The following PALLD variants were observed in gnomAD, a reference collection of about 807,000 sequenced individuals.
The protein encoded by PALLD is palladin, cytoskeletal associated protein.
PALLD carries 61 observed loss-of-function variants against 123.5 expected under a neutral mutation model. That is an observed-to-expected ratio of 0.49 (90% CI 0.40 to 0.61). The LOEUF (loss-of-function observed/expected upper bound fraction) is 0.61, where lower values mean the gene tolerates loss of function less well. PALLD is among the 20% of genes least tolerant of loss of function. The pLI, the probability that PALLD is intolerant of heterozygous loss-of-function variation, is 0.00. For synonymous variants in PALLD, 465 were observed against 496.4 expected (o/e 0.94, Z 0.84); for missense variants, 1,273 against 1,377.0 (o/e 0.92, Z 1.20).
Position 168,711,760 on chromosome 4 carries a change from A to C in PALLD, c.1801A>C (p.Met601Leu). The change falls in exon 10 of 22, where the codon ATG (methionine) becomes CTG (leucine). Residue 601 changes from methionine (M) to leucine (L), a missense_variant. Around this residue, in one of 2 missense-constraint regions of PALLD, gnomAD observed 944 missense variants for 954.5 expected, o/e 0.99. Transcript: ENST00000505667. Reference protein sequence around the residue: ...ELGLSRAALQMQFNAAERETN... With the variant: ...ELGLSRAALQLQFNAAERETN... ...AGGCCTGAGCAGGGCAGCCCTTCAA[A>C]TGCAATTCAATGCTGCTGAGAGGGA... The C allele has an allele frequency of 6.2e-7, 1 of 1,614,140 alleles. No homozygotes were observed. The highest frequency in any genetic ancestry group is 1.1e-5 in the South Asian group (1 of 91,080).
intron 2 of PALLD, among the ~76,000 whole-genome samples, chr4:168,526,377 C>T (rs984251160): frequency 2.0e-5 from 3 of 152,204 alleles, no homozygotes; most frequent in African/African-American, 4.8e-5. Flanking sequence ...ACGTGTCTTT[C>T]ATTACAGTTT....
Position 168,709,070 on chromosome 4 carries a change from A to C in PALLD, c.1544A>C (p.Asp515Ala). ...TLVIAETFPE[D>A]AGIFTCSARN... The stretch of plus-strand genomic sequence containing the variant: ...GTTATCGCTGAGACTTTCCCTGAAG[A>C]TGCAGGGATCTTTACATGTTCAGCA... The change falls in exon 9 of 22, where the codon GAT (aspartate) becomes GCT (alanine). Residue 515 changes from aspartate to alanine, a missense_variant. Coordinates refer to ENST00000505667, the MANE Select transcript of PALLD (RefSeq NM_001166108.2). The C allele has an allele frequency of 6.2e-7, 1 of 1,610,734 alleles. No individual in the cohort carries two copies. Among genetic ancestry groups the C allele is most frequent in the Non-Finnish European group, 8.5e-7 (1 of 1,176,916 alleles).
intron 10 of PALLD, among the ~76,000 whole-genome samples, chr4:168,733,748 T>G (rs1424014085): frequency 6.6e-6 from 1 of 151,758 alleles, no homozygotes; most frequent in Non-Finnish European, 1.5e-5. Flanking sequence ...TGTTTTATTT[T>G]TTTGAGACGG....
intron 2 of PALLD, among the ~76,000 whole-genome samples, chr4:168,619,230 CT>C (rs1774515804): frequency 6.6e-6 from 1 of 152,162 alleles, no homozygotes. Context: ...AGCGAGATAA[CT>C]TGGCAACTTG....
At chr4:168,583,376 T>G (rs1355275561) in intron 2 of PALLD, among the ~76,000 whole-genome samples, 1 of 152,198 alleles carries the variant, frequency 6.6e-6, no homozygotes, top group Non-Finnish European at 1.5e-5. Context: ...TCTCAAACAT[T>G]AATGTGCATA....
intron 2 of PALLD, among the ~76,000 whole-genome samples, chr4:168,567,817 G>A (rs1242997368): frequency 1.3e-5 from 2 of 151,678 alleles, no homozygotes; most frequent in Non-Finnish European, 2.9e-5. Flanking sequence ...GATGGGAGGG[G>A]GGATGAAAAA....
At chr4:168,576,559 C>T (rs1218071092) in intron 2 of PALLD, among the ~76,000 whole-genome samples, 1 of 152,154 alleles carries the variant, frequency 6.6e-6, no homozygotes, top group African/African-American at 2.4e-5. Flanking sequence ...CTACAAAGGA[C>T]ATGAACTCAT....
In PALLD at chr4:168,711,613, G is replaced by C. The variant is rs1373537697; in HGVS notation, c.1654G>C (p.Gly552Arg). The change falls in exon 10 of 22, where the codon GGA becomes CGA. Residue 552 changes from glycine to arginine, a missense_variant. Transcript: ENST00000505667. ...NTENCSYESM[G>R]ESNNDHFQHF... Reference sequence around the variant, plus strand: ...TGAAAACTGTAGTTACGAGTCAATGGGAGAATCCAACAATGACCACTTCCA... The same window carrying C: ...TGAAAACTGTAGTTACGAGTCAATGCGAGAATCCAACAATGACCACTTCCA... The C allele has an allele frequency of 6.2e-7, 1 of 1,613,788 alleles. No homozygotes were observed. The highest frequency in any genetic ancestry group is 8.5e-7 in the Non-Finnish European group (1 of 1,179,892).
At chr4:168,783,184 T>C (rs1736198215) in intron 10 of PALLD, among the ~76,000 whole-genome samples, 1 of 152,044 alleles carries the variant, frequency 6.6e-6, no homozygotes. Flanking sequence ...TAATGGATAA[T>C]GGCAATATTT....
At chr4:168,634,068 C>G (rs955914052) in intron 2 of PALLD, among the ~76,000 whole-genome samples, 2 of 152,164 alleles carry the variant, frequency 1.3e-5, no homozygotes, top group African/African-American at 4.8e-5. Context: ...AGAACAAGCT[C>G]GGTGTCTCTT....
chr4:168,711,809 G>C lies in PALLD; in HGVS notation c.1850G>C (p.Arg617Pro). Residue 617 changes from arginine to proline, a missense_variant, in exon 10 of 22, where the codon CGT becomes CCT. Coordinates refer to ENST00000505667, the MANE Select transcript of PALLD (RefSeq NM_001166108.2). ...ERETNGVHPS[R>P]GVNGLINGKA... ...GAAACGAACGGAGTCCATCCCAGCC[G>C]TGGAGTAAATGGACTGATTAACGGC... The C allele has an allele frequency of 6.2e-7, 1 of 1,614,084 alleles. No homozygotes were observed. Among genetic ancestry groups the C allele is most frequent in the South Asian group, 1.1e-5 (1 of 91,088 alleles).
At position 168,913,907 on chromosome 4, in the gene PALLD, A is replaced by G. The variant is rs1347830392; in HGVS notation, c.2623-20A>G. 5 of 1,511,676 alleles carry G rather than the reference A, an allele frequency of 3.3e-6. No individual in the cohort carries two copies. The highest frequency in any genetic ancestry group is 4.6e-6 in the Non-Finnish European group (5 of 1,086,402). The allele number at this position is 1,511,676 out of a possible 1,614,324, so 93.6% of individuals were successfully genotyped here. On this transcript the variant is annotated intron_variant, in intron 15 of 21. Transcript: ENST00000505667. Reference sequence around the variant, plus strand: ...AATAGTTTTAAATAGCAAATCATTTATTTCCTGATATTTCTACAGGGCCGC... The same window carrying G: ...AATAGTTTTAAATAGCAAATCATTTGTTTCCTGATATTTCTACAGGGCCGC...
chr4:168,520,190 G>A (rs1270853287), intron 2 of PALLD, among the ~76,000 whole-genome samples: 1 of 151,984 alleles, frequency 6.6e-6, no homozygotes, highest in African/African-American at 2.4e-5. Flanking sequence ...GCCGGGCGTG[G>A]TGGCGGGTGC....
chr4:168,635,387 G>T (rs1207670809), intron 2 of PALLD, among the ~76,000 whole-genome samples: 1 of 152,176 alleles, frequency 6.6e-6, no homozygotes, highest in African/African-American at 2.4e-5. Flanking sequence ...GTGAGACTAA[G>T]CAGCCATCTC....
chr4:168,905,144 T>TG (rs60290998), intron 15 of PALLD, among the ~76,000 whole-genome samples: 43,991 of 67,818 alleles, frequency 0.65, 17,450 homozygotes, highest in East Asian at 0.91. Flanking sequence ...GTTGGTTTTT[T>TG]TTTTTTTTTT....
intron 2 of PALLD, among the ~76,000 whole-genome samples, chr4:168,556,776 T>C (rs2149559957): frequency 6.6e-6 from 1 of 152,322 alleles, no homozygotes; most frequent in South Asian, 2.1e-4. Context: ...GAGAAAAAGA[T>C]GGGAGGAAAA....
intron 2 of PALLD, among the ~76,000 whole-genome samples, chr4:168,603,145 A>G (rs1772841185): frequency 6.6e-6 from 1 of 152,194 alleles, no homozygotes; most frequent in Non-Finnish European, 1.5e-5. Context: ...TATCAAATAC[A>G]TATTTATCTC....
Position 168,898,597 on chromosome 4 carries a change from T to A in PALLD, c.2355T>A (p.Asp785Glu), listed in dbSNP as rs767206653. The change falls in exon 14 of 22, where the codon GAT becomes GAA. Residue 785 changes from aspartate to glutamate, a missense_variant. Around this residue, in one of 2 missense-constraint regions of PALLD, gnomAD observed 944 missense variants for 954.5 expected, o/e 0.99. Transcript: ENST00000505667. ...CAGGTGATGAAGTTCAGTATGGAGA[T>A]GTGCCTGTGGAAAATGGAATGGCAC... ...DESGDEVQYG[D>E]VPVENGMAPF... The A allele has an allele frequency of 1.2e-6, 2 of 1,613,718 alleles. No homozygotes were observed. The highest frequency in any genetic ancestry group is 1.1e-5 in the South Asian group (1 of 91,072).
chr4:168,746,989 C>A (rs752135406), intron 10 of PALLD, among the ~76,000 whole-genome samples: 1 of 152,062 alleles, frequency 6.6e-6, no homozygotes, highest in Non-Finnish European at 1.5e-5. Flanking sequence ...TGAAAGACAG[C>A]GATAAAGTAC....
Sources: gnomAD v4.1 joint callset for allele counts (sites outside exome capture counted in the v4.1 genomes callset) on GRCh38, gnomAD v4.1.1 for gene constraint, gnomAD v4.1.1 regional missense constraint, MANE v1.5 for transcripts, NCBI Gene and HGNC (gene_info 2026-07-23, HGNC 2026-07-21) for gene names.